The following RARRES1 variants were observed in gnomAD, a reference collection of about 807,000 sequenced individuals.
RARRES1 encodes the protein retinoic acid receptor responder protein 1.
In RARRES1, 34 loss-of-function variants were observed where a neutral mutation model predicts 30.6. The ratio of observed to expected loss-of-function variants is 1.11; its 90% confidence interval spans 0.84 to 1.48. The LOEUF (loss-of-function observed/expected upper bound fraction) is 1.48, where lower values mean the gene tolerates loss of function less well. Ranked by LOEUF, RARRES1 falls within the 40% of genes most tolerant of loss-of-function variation. The pLI is 0.00. For synonymous variants in RARRES1, 153 were observed against 155.5 expected, an observed-to-expected ratio of 0.98 and a Z score of 0.12; for missense variants, 373 against 386.5, an observed-to-expected ratio of 0.97 and a Z score of 0.29.
chr3:158,710,394 G>A (rs569903037), intron 3 of RARRES1, among the ~76,000 whole-genome samples: 103 of 152,148 alleles, frequency 6.8e-4, no homozygotes, highest in African/African-American at 2.4e-3. Context: ...TTTTTTAGTA[G>A]AGACGGGGTT....
chr3:158,701,867 T>A (rs1726735441), intron 4 of RARRES1, among the ~76,000 whole-genome samples: 1 of 151,976 alleles, frequency 6.6e-6, no homozygotes, highest in Non-Finnish European at 1.5e-5. Flanking sequence ...CTTCAATCCG[T>A]TTGTGAGTCC....
At chr3:158,717,733 G>T (rs1295629634) in intron 1 of RARRES1, among the ~76,000 whole-genome samples, 1 of 152,170 alleles carries the variant, frequency 6.6e-6, no homozygotes, top group East Asian at 1.9e-4. Flanking sequence ...AGAGCAGGAG[G>T]CTGGCTGAGG....
chr3:158,725,029 G>T lies in RARRES1; in HGVS notation c.276+7111C>A, dbSNP rs559636834. 5.9e-5 allele frequency among the ~76,000 whole-genome samples: 9 copies of T among 152,182 alleles called. No homozygotes were observed. In the South Asian group the frequency reaches 1.9e-3, roughly 32 times the overall value. The stretch of plus-strand genomic sequence containing the variant: ...TGTAGAGATGGGGTCTCATCACGTT[G>T]CCCAGGCTGGTCTTGAACTCCTGGG... On this transcript the variant is annotated intron_variant, in intron 1 of 5. Coordinates refer to ENST00000237696, the MANE Select transcript of RARRES1 (RefSeq NM_206963.2).
chr3:158,716,652 C>T (rs987808143), intron 1 of RARRES1, among the ~76,000 whole-genome samples: 2 of 151,258 alleles, frequency 1.3e-5, no homozygotes, highest in African/African-American at 2.4e-5. Flanking sequence ...GGCACGATCT[C>T]GGCTCACTGC....
At chr3:158,729,144 A>G (rs1727789348) in intron 1 of RARRES1, among the ~76,000 whole-genome samples, 1 of 152,106 alleles carries the variant, frequency 6.6e-6, no homozygotes, top group Non-Finnish European at 1.5e-5. Context: ...ACCACCTGAC[A>G]TTGTTGGCAG....
At chr3:158,707,263 C>T (rs1381791153) in intron 3 of RARRES1, among the ~76,000 whole-genome samples, 1 of 151,916 alleles carries the variant, frequency 6.6e-6, no homozygotes, top group Non-Finnish European at 1.5e-5. Flanking sequence ...CCTTTATGTA[C>T]ATAGAGTAGA....
intron 1 of RARRES1, 79 bp downstream of exon 1, chr3:158,732,059 GGC>G (rs888475951): frequency 2.4e-6 from 3 of 1,225,350 alleles, no homozygotes; most frequent in African/African-American, 3.2e-5. Context: ...TGGGCCGGCA[GGC>G]GCGCGTACCC....
chr3:158,708,781 C>T (rs1016503352), intron 3 of RARRES1, among the ~76,000 whole-genome samples: 4 of 152,140 alleles, frequency 2.6e-5, no homozygotes, highest in African/African-American at 9.7e-5. Context: ...ATTCTTTTGC[C>T]TCAGCCTCCC....
At chr3:158,720,143 C>G (rs773307866) in intron 1 of RARRES1, among the ~76,000 whole-genome samples, 7 of 151,988 alleles carry the variant, frequency 4.6e-5, no homozygotes, top group Non-Finnish European at 1.0e-4. Flanking sequence ...GCCTGCAGAG[C>G]CCCGTTTTTC....
At chr3:158,726,525 A>G (rs1215480134) in intron 1 of RARRES1, among the ~76,000 whole-genome samples, 1 of 152,232 alleles carries the variant, frequency 6.6e-6, no homozygotes. Flanking sequence ...TGCATATATC[A>G]GATGTACTTA....
At chr3:158,714,463 AC>A (rs1014562336) in intron 1 of RARRES1, among the ~76,000 whole-genome samples, 17 of 152,188 alleles carry the variant, frequency 1.1e-4, no homozygotes, top group Non-Finnish European at 1.6e-4. Flanking sequence ...GGCAGAGGGG[AC>A]CCACAAGCAC....
chr3:158,727,798 G>T (rs981551459), intron 1 of RARRES1, among the ~76,000 whole-genome samples: 3 of 152,222 alleles, frequency 2.0e-5, no homozygotes, highest in African/African-American at 7.2e-5. Flanking sequence ...GGTGGGGGCA[G>T]TGAGGGAACA....
chr3:158,714,699 T>C (rs1727263341), intron 1 of RARRES1, among the ~76,000 whole-genome samples: 1 of 152,242 alleles, frequency 6.6e-6, no homozygotes, highest in South Asian at 2.1e-4. Flanking sequence ...GAAGAAGTTC[T>C]TATTGTTTGC....
Position 158,697,724 on chromosome 3 carries a change from G to A in RARRES1, c.839C>T (p.Thr280Ile), listed in dbSNP as rs1726591415. Residue 280 changes from threonine to isoleucine, a missense_variant, in exon 6 of 6, where the codon ACT becomes ATT. Coordinates refer to ENST00000237696, the MANE Select transcript of RARRES1 (RefSeq NM_206963.2). ...TGGTACTACAGCTGATCCTTCTTCA[G>A]TTCCGGAGGCTTCTTCTGGTGTCTG... ...ELQTPEEASG[T>I]EEGSAVVPTE... is the part of the protein sequence containing the mutation. The A allele has an allele frequency of 1.2e-6, 2 of 1,613,352 alleles. No homozygotes were observed. Among genetic ancestry groups the A allele is most frequent in the African/African-American group, 2.7e-5 (2 of 74,902 alleles).
chr3:158,708,945 C>G (rs1306998571), intron 3 of RARRES1, among the ~76,000 whole-genome samples: 1 of 152,180 alleles, frequency 6.6e-6, no homozygotes, highest in African/African-American at 2.4e-5. Context: ...GCATGAGCCA[C>G]CGCGCCTGGC....
chr3:158,713,237 T>C (rs1356275299), intron 2 of RARRES1, among the ~76,000 whole-genome samples: 1 of 152,088 alleles, frequency 6.6e-6, no homozygotes, highest in Non-Finnish European at 1.5e-5. Context: ...TGGCTCTAAT[T>C]TCTATACGAG....
chr3:158,716,826 C>T (rs1039601718), intron 1 of RARRES1, among the ~76,000 whole-genome samples: 2 of 152,172 alleles, frequency 1.3e-5, no homozygotes, highest in Non-Finnish European at 1.5e-5. Context: ...TCAGGCAATC[C>T]GCCTGCCTCG....
chr3:158,707,973 T>A (rs73030863), intron 3 of RARRES1, among the ~76,000 whole-genome samples: 11 of 152,336 alleles, frequency 7.2e-5, no homozygotes, highest in Admixed American at 7.2e-4. Context: ...TTTTTTCCTG[T>A]CATCATATGA....
chr3:158,700,591 C>T (rs1241876320), intron 4 of RARRES1, among the ~76,000 whole-genome samples: 1 of 152,124 alleles, frequency 6.6e-6, no homozygotes, highest in East Asian at 1.9e-4. Context: ...AACCAAAAAG[C>T]ACAGCTTATT....
Sources: gnomAD v4.1 joint callset for allele counts (sites outside exome capture counted in the v4.1 genomes callset) on GRCh38, gnomAD v4.1.1 for gene constraint, MANE v1.5 for transcripts, NCBI Gene and HGNC (gene_info 2026-07-23, HGNC 2026-07-21) for gene names.